Variants in SPATA16 observed in about 807,000 individuals in gnomAD.
SPATA16 encodes the protein spermatogenesis associated 16, also known as spermatogenesis-associated protein 16.
SPATA16 carries 36 observed loss-of-function variants against 63.3 expected under a neutral mutation model. That is an observed-to-expected ratio of 0.57 (90% CI 0.44 to 0.75). The LOEUF (loss-of-function observed/expected upper bound fraction) is 0.75. Among genes scored for constraint, SPATA16 ranks in the 30% least tolerant of loss-of-function variants. SPATA16 has a pLI of 0.00. For synonymous variants in SPATA16, 203 were observed against 216.7 expected (o/e 0.94, Z 0.56); for missense variants, 646 against 679.3 (o/e 0.95, Z 0.54).
intron 2 of SPATA16, 149 bp downstream of exon 2, chr3:173,116,971 A>T (rs1305782562): frequency 1.2e-6 from 1 of 838,594 alleles, no homozygotes; most frequent in East Asian, 2.4e-5. Context: ...TGCTTTATGT[A>T]AACTGGGAAC....
At chr3:172,956,854 T>A (rs1235696221) in intron 5 of SPATA16, 30 bp from the exon 6 acceptor site, 1 of 1,612,602 alleles carries the variant, frequency 6.2e-7, no homozygotes, top group East Asian at 2.2e-5. Context: ...CCATTTGGCA[T>A]CAATAACAAT....
chr3:173,099,253 AGAGT>A (rs1737433630), intron 2 of SPATA16, among the ~76,000 whole-genome samples: 1 of 145,562 alleles, frequency 6.9e-6, no homozygotes, highest in Non-Finnish European at 1.6e-5. Flanking sequence ...AGAGAGAGAG[AGAGT>A]GAGAGAGAGA....
At chr3:172,945,214 C>G (rs1733252125) in intron 6 of SPATA16, among the ~76,000 whole-genome samples, 1 of 152,118 alleles carries the variant, frequency 6.6e-6, no homozygotes, top group Non-Finnish European at 1.5e-5. Flanking sequence ...ATAAAAGCTT[C>G]TGATTCTTGT....
At chr3:173,122,421 G>C (rs1347610250) in intron 1 of SPATA16, among the ~76,000 whole-genome samples, 1 of 151,950 alleles carries the variant, frequency 6.6e-6, no homozygotes, top group Non-Finnish European at 1.5e-5. Context: ...GAAATAGGCA[G>C]CTCAAACATG....
At chr3:172,930,090 A>C (rs959292537) in intron 6 of SPATA16, among the ~76,000 whole-genome samples, 2 of 152,224 alleles carry the variant, frequency 1.3e-5, no homozygotes, top group Admixed American at 1.3e-4. Flanking sequence ...TATCTTGGCC[A>C]AATTTCTCAT....
intron 1 of SPATA16, among the ~76,000 whole-genome samples, chr3:173,136,639 T>A (rs1009020174): frequency 6.6e-6 from 1 of 152,234 alleles, no homozygotes; most frequent in Non-Finnish European, 1.5e-5. Context: ...ACTGTCAAAA[T>A]TTTTTAAATT....
At chr3:173,004,517 C>A (rs745540542) in intron 4 of SPATA16, among the ~76,000 whole-genome samples, 4 of 151,668 alleles carry the variant, frequency 2.6e-5, no homozygotes, top group Non-Finnish European at 4.4e-5. Flanking sequence ...AGAGTCTTGA[C>A]CCTTCATCCT....
chr3:172,944,118 A>G (rs1366593420), intron 6 of SPATA16, among the ~76,000 whole-genome samples: 1 of 152,252 alleles, frequency 6.6e-6, no homozygotes, highest in African/African-American at 2.4e-5. Flanking sequence ...CATCTGACAA[A>G]GAATTTGTAT....
intron 1 of SPATA16, among the ~76,000 whole-genome samples, chr3:173,139,711 C>T (rs547062663): frequency 1.3e-5 from 2 of 152,260 alleles, no homozygotes; most frequent in Admixed American, 6.5e-5. Context: ...AATAGCCGGG[C>T]GTAGTGGCTC....
intron 2 of SPATA16, among the ~76,000 whole-genome samples, chr3:173,088,087 CTTTTTTT>C (rs543770917): frequency 1.6e-5 from 1 of 62,958 alleles, no homozygotes; most frequent in East Asian, 4.8e-4. Context: ...TCTGTCTTTT[CTTTTTTT>C]TTTTTTTTTG....
chr3:173,070,731 A>G (rs1224391259), intron 2 of SPATA16, among the ~76,000 whole-genome samples: 1 of 152,212 alleles, frequency 6.6e-6, no homozygotes, highest in East Asian at 1.9e-4. Context: ...TACAAATAAA[A>G]TAAAACATCT....
rs199506464 is a variant in SPATA16, at chr3:172,918,591, A to AT, written c.1339-2111dup. Among the ~76,000 whole-genome samples the AT allele has an allele frequency of 1.7e-3, 262 of 152,248 alleles. 4 individuals carry two copies. In the East Asian group the frequency reaches 0.031, roughly 18 times the overall value. On this transcript the variant is annotated intron_variant, in intron 8 of 10. Coordinates refer to ENST00000351008, the MANE Select transcript of SPATA16 (RefSeq NM_031955.6). Reference sequence around the variant, plus strand: ...ACAAAGTGAAAAAGAAATAAAATTGATATCTAGTGTGGCAGAAATGTTTTA... The same window carrying AT: ...ACAAAGTGAAAAAGAAATAAAATTGATTATCTAGTGTGGCAGAAATGTTTTA...
At chr3:172,895,680 A>G (rs533697794) in intron 10 of SPATA16, among the ~76,000 whole-genome samples, 1 of 152,318 alleles carries the variant, frequency 6.6e-6, no homozygotes, top group South Asian at 2.1e-4. Flanking sequence ...AAGTTTATCT[A>G]AATGGAATCA....
rs12629702 is a variant in SPATA16 at position 173,111,270 on chromosome 3, C to T, written c.612+5850G>A. On this transcript the variant is annotated intron_variant, in intron 2 of 10. Coordinates refer to ENST00000351008, the MANE Select transcript of SPATA16 (RefSeq NM_031955.6). ...ACTAAAAATACAAAAATTAGCCAGG[C>T]GTGGTGGCATGCGCCTGTAATCCCA... Among the ~76,000 whole-genome samples the T allele has an allele frequency of 2.0e-4, 31 of 152,128 alleles. No individual in the cohort carries two copies. The East Asian group carries it at 3.7e-3, about 18-fold the overall frequency.
chr3:172,993,469 G>A (rs562307299), intron 4 of SPATA16, among the ~76,000 whole-genome samples: 2 of 152,184 alleles, frequency 1.3e-5, no homozygotes, highest in African/African-American at 4.8e-5. Flanking sequence ...TGAGGGCCAA[G>A]GAAGAGTTTG....
At chr3:172,899,961 C>T (rs1732093112) in intron 10 of SPATA16, among the ~76,000 whole-genome samples, 1 of 152,024 alleles carries the variant, frequency 6.6e-6, no homozygotes, top group Non-Finnish European at 1.5e-5. Flanking sequence ...ATTTTTGTTT[C>T]CCCCACCAAA....
chr3:173,069,112 G>GAAAAAAAAAAAAAAAAAAA lies in SPATA16; in HGVS notation c.613-20019_613-20018insTTTTTTTTTTTTTTTTTTT, dbSNP rs541801266. ...GCAGCAGTACGAGACTCCGTCTCAA[G>GAAAAAAAAAAAAAAAAAAA]AAAAAAAAAAAAAAGAAAGAAAGAA... is the stretch of plus-strand genomic sequence containing the variant. On this transcript the variant is annotated intron_variant, in intron 2 of 10. Coordinates refer to ENST00000351008, the MANE Select transcript of SPATA16 (RefSeq NM_031955.6). Among the ~76,000 whole-genome samples the GAAAAAAAAAAAAAAAAAAA allele has an allele frequency of 4.1e-4, 45 of 109,068 alleles. 2 individuals carry two copies. The highest frequency in any genetic ancestry group is 1.5e-3 in the African/African-American group (42 of 27,286). The allele number at this position is 109,068 out of a possible 152,430, so 71.6% of individuals were successfully genotyped here.
At chr3:172,913,886 C>T in intron 9 of SPATA16, 142 bp from the exon 10 acceptor site, 1 of 718,692 alleles carries the variant, frequency 1.4e-6, no homozygotes, top group South Asian at 1.7e-5. Flanking sequence ...ATATTGCCAC[C>T]TCATCTTTGC....
In SPATA16 at chr3:172,889,506, T is replaced by C; in HGVS notation, c.*64A>G. The C allele has an allele frequency of 6.2e-7, 1 of 1,609,936 alleles. No individual in the cohort carries two copies. The highest frequency in any genetic ancestry group is 8.5e-7 in the Non-Finnish European group (1 of 1,178,264). On this transcript the variant is annotated 3_prime_UTR_variant, in exon 11 of 11. Transcript: ENST00000351008. Reference sequence around the variant, plus strand: ...CCAGCTTCACAGTACTAGGTGGGCATTGGAGTGGATGCCCTTGCCTCTTCT... The same window carrying C: ...CCAGCTTCACAGTACTAGGTGGGCACTGGAGTGGATGCCCTTGCCTCTTCT...
Sources: gnomAD v4.1 joint callset for allele counts (sites outside exome capture counted in the v4.1 genomes callset) on GRCh38, gnomAD v4.1.1 for gene constraint, MANE v1.5 for transcripts, NCBI Gene and HGNC (gene_info 2026-07-23, HGNC 2026-07-21) for gene names.